EMC1: variants seen among roughly 807,000 people sequenced by gnomAD.
The protein encoded by EMC1 is ER membrane protein complex subunit 1, also known as KIAA0090.
In EMC1, 103 loss-of-function variants were observed where a neutral mutation model predicts 128.8. That is an observed-to-expected ratio of 0.80 (90% CI 0.68 to 0.94). EMC1 has a LOEUF of 0.94. EMC1 is among the 40% of genes least tolerant of loss of function. EMC1 has a pLI of 0.00. For missense variants in EMC1, 1,083 were observed against 1,250.6 expected (o/e 0.87, Z 2.02); for synonymous variants, 442 against 490.4 (o/e 0.90, Z 1.30).
chr1:19,232,887 C>G (rs773302375), intron 14 of EMC1, 49 bp downstream of exon 14: 3 of 1,606,754 alleles, frequency 1.9e-6, no homozygotes, highest in South Asian at 2.2e-5. Context: ...TTGTTCCTCA[C>G]CCTCAGAATT....
Position 19,219,022 on chromosome 1 carries a change from AGAAAG to A in EMC1, c.*276_*280del. The A allele has an allele frequency of 3.2e-6, 1 of 311,304 alleles. No homozygotes were observed. Among genetic ancestry groups the A allele is most frequent in the Middle Eastern group, 9.7e-4 (1 of 1,032 alleles). The allele number at this position is 311,304 out of a possible 1,614,324, so 19.3% of individuals were successfully genotyped here. On this transcript the variant is annotated 3_prime_UTR_variant, in exon 23 of 23. Coordinates refer to ENST00000477853, the MANE Select transcript of EMC1 (RefSeq NM_015047.3). ...AAACAGAACATTCATGGATGGGCAAAGAAAGGAAACAATGCAGACGCCTTTGGACT... is the reference window on the plus strand; with the variant it reads ...AAACAGAACATTCATGGATGGGCAAAGAAACAATGCAGACGCCTTTGGACT...
At chr1:19,240,273 G>A in intron 7 of EMC1, 24 bp downstream of exon 7, 1 of 1,613,980 alleles carries the variant, frequency 6.2e-7, no homozygotes, top group South Asian at 1.1e-5. Context: ...CCTCAGGCCA[G>A]AAGAAGCAGT....
intron 7 of EMC1, 70 bp from the exon 8 acceptor site, chr1:19,240,055 C>A: frequency 6.8e-7 from 1 of 1,478,376 alleles, no homozygotes; most frequent in Non-Finnish European, 9.2e-7. Context: ...AGGCTCACAA[C>A]CTCTGCCCTA....
intron 21 of EMC1, chr1:19,220,406 C>T (rs2093422563): frequency 5.8e-6 from 1 of 171,654 alleles, no homozygotes; most frequent in South Asian, 1.7e-4. Context: ...AGCTCCTTCA[C>T]CTCCTTCAGG....
intron 1 of EMC1, among the ~76,000 whole-genome samples, chr1:19,248,295 T>C (rs1230164362): frequency 2.6e-5 from 4 of 152,180 alleles, no homozygotes; most frequent in Non-Finnish European, 4.4e-5. Flanking sequence ...CCTCCCAGGC[T>C]TAGGTGATCC....
rs761385909 is a variant in EMC1, at chr1:19,239,887, C to G, written c.885G>C (p.Leu295Phe). The G allele has an allele frequency of 1.9e-6, 3 of 1,613,972 alleles. No individual in the cohort carries two copies. The highest frequency in any genetic ancestry group is 1.7e-5 in the Admixed American group (1 of 59,996). ...DASRAQFFLH[L>F]SPSHYALLQY... is the part of the protein sequence containing the mutation. ...GCAGCAGAGCATAGTGGCTTGGGGA[C>G]AAGTGCAGGAAGAACTGGGCCCGGG... Residue 295 changes from leucine to phenylalanine, a missense_variant, in exon 8 of 23, where the codon TTG becomes TTC. This residue lies in a region of EMC1 where 544 missense variants were observed against 572.4 expected (regional missense o/e 0.95). Coordinates refer to ENST00000477853, the MANE Select transcript of EMC1 (RefSeq NM_015047.3).
At chr1:19,220,893 A>C (rs1242331223) in intron 20 of EMC1, 45 bp from the exon 21 acceptor site, 1 of 1,399,024 alleles carries the variant, frequency 7.1e-7, no homozygotes, top group Non-Finnish European at 1.0e-6. Context: ...AGTGTCCAGC[A>C]AGGGCCAGTT....
In EMC1 at chr1:19,223,470, G is replaced by A. The variant is rs763467427; in HGVS notation, c.2302C>T (p.Arg768Cys). 24 of 1,614,110 alleles carry A rather than the reference G, an allele frequency of 1.5e-5. No individual in the cohort carries two copies. The highest frequency in any genetic ancestry group is 1.9e-5 in the Non-Finnish European group (23 of 1,180,020). ...GIFLIDGVTG[R>C]IIHSSVQKKA... ...TTCTGCACAGAGGAGTGAATGATAC[G>A]CCCAGTGACGCCATCAATGAGGAAG... is the stretch of plus-strand genomic sequence containing the variant. The change falls in exon 19 of 23, where the codon CGT becomes TGT. Residue 768 changes from arginine (R) to cysteine (C), a missense_variant. Coordinates refer to ENST00000477853, the MANE Select transcript of EMC1 (RefSeq NM_015047.3).
chr1:19,245,564 CT>C (rs1558114399), intron 1 of EMC1, among the ~76,000 whole-genome samples: 1 of 151,790 alleles, frequency 6.6e-6, no homozygotes, highest in Admixed American at 6.6e-5. Flanking sequence ...CTAACTCTTC[CT>C]TCTAAATGGA....
At chr1:19,234,095 T>C (rs2151951076) in intron 13 of EMC1, 3 of 746,406 alleles carry the variant, frequency 4.0e-6, no homozygotes, top group Non-Finnish European at 4.9e-6. Flanking sequence ...ACCTCATTGG[T>C]CCAAGTTAGG....
rs1449490370 is a variant in EMC1, at chr1:19,230,894, A to T, written c.2014T>A (p.Tyr672Asn). The T allele has an allele frequency of 1.9e-6, 3 of 1,614,194 alleles. No homozygotes were observed. In the East Asian group the frequency reaches 6.7e-5, roughly 36 times the overall value. Residue 672 changes from tyrosine to asparagine, a missense_variant, in exon 17 of 23, where the codon TAT (tyrosine) becomes AAT (asparagine). Around this residue, in one of 3 missense-constraint regions of EMC1, gnomAD observed 527 missense variants for 644.1 expected, o/e 0.82. Transcript: ENST00000477853. ...LHELAPSIFF[Y>N]LVDAEQGRLC... ...CGTCCCTGCTCTGCATCCACCAAAT[A>T]GAAGAAGATGGAAGGGGCAAGCTCA...
At position 19,235,238 on chromosome 1, in the gene EMC1, G is replaced by C; in HGVS notation, c.1324C>G (p.Leu442Val). 6.2e-7 allele frequency: 1 copy of C among 1,612,650 alleles called. No individual in the cohort carries two copies. The highest frequency in any genetic ancestry group is 8.5e-7 in the Non-Finnish European group (1 of 1,179,280). ...GCCAGGGACTCCTCACGGCTCCACA[G>C]CACCACCTTCCCTGCTACAGGAAAC... is the stretch of plus-strand genomic sequence containing the variant. ...FLQQLAGKVVLWSREESLAEV... is the reference protein window; with the variant it reads ...FLQQLAGKVVVWSREESLAEV... Residue 442 changes from leucine to valine, a missense_variant, in exon 13 of 23, where the codon CTG becomes GTG. By Grantham distance (32) the Leu-to-Val change is conservative. Transcript: ENST00000477853.
intron 13 of EMC1, 151 bp downstream of exon 13, chr1:19,234,979 T>C (rs2093552266): frequency 2.8e-6 from 2 of 718,648 alleles, no homozygotes; most frequent in Non-Finnish European, 4.3e-6. Context: ...TGGCCATGAA[T>C]GCACCGGAAC....
At chr1:19,245,623 C>CTTT (rs1458650826) in intron 1 of EMC1, among the ~76,000 whole-genome samples, 1 of 97,348 alleles carries the variant, frequency 1.0e-5, no homozygotes, top group African/African-American at 5.7e-5. Flanking sequence ...GGCACCTTAC[C>CTTT]TTTCTTTTTT....
chr1:19,225,663 A>T (rs2093467175), intron 18 of EMC1, among the ~76,000 whole-genome samples: 1 of 151,950 alleles, frequency 6.6e-6, no homozygotes, highest in Admixed American at 6.6e-5. Flanking sequence ...AAGAAAAGAA[A>T]GAAAAGAAAA....
Position 19,242,492 on chromosome 1 carries a change from T to G in EMC1, c.381-19A>C. On this transcript the variant is annotated intron_variant, in intron 4 of 22. Transcript: ENST00000477853. Reference sequence around the variant, plus strand: ...CTGGAAACTGAACACAAGTACAGGTTGAGAGCAGCCCACACCTGCAGAGCC... The same window carrying G: ...CTGGAAACTGAACACAAGTACAGGTGGAGAGCAGCCCACACCTGCAGAGCC... 1 of 1,613,896 alleles carries G rather than the reference T, an allele frequency of 6.2e-7. No homozygotes were observed. The highest frequency in any genetic ancestry group is 8.5e-7 in the Non-Finnish European group (1 of 1,179,942).
intron 20 of EMC1, chr1:19,221,602 C>G (rs2093431713): frequency 6.7e-6 from 1 of 149,908 alleles, no homozygotes; most frequent in African/African-American, 2.5e-5. Context: ...CACCACTGCA[C>G]TCCAGCCTGG....
At position 19,223,488 on chromosome 1, in the gene EMC1, T is replaced by C. The variant is rs35788281; in HGVS notation, c.2284A>G (p.Ile762Val). The stretch of plus-strand genomic sequence containing the variant: ...ATGATACGCCCAGTGACGCCATCAA[T>C]GAGGAAGATGCCAATAAAGGTGCGC... ...HERTFIGIFL[I>V]DGVTGRIIHS... Residue 762 changes from isoleucine (I) to valine (V), a missense_variant, in exon 19 of 23, where the codon ATT (isoleucine) becomes GTT (valine). Physicochemically the swap from Ile to Val is conservative, Grantham distance 29 (BLOSUM62 3). Around this residue, in one of 3 missense-constraint regions of EMC1, gnomAD observed 527 missense variants for 644.1 expected, o/e 0.82. Transcript: ENST00000477853. The C allele has an allele frequency of 2.5e-6, 4 of 1,613,764 alleles. No homozygotes were observed. The Admixed American group carries it at 6.7e-5, about 27-fold the overall frequency.
chr1:19,221,708 A>T (rs2093433122), intron 20 of EMC1: 2 of 152,104 alleles, frequency 1.3e-5, no homozygotes, highest in African/African-American at 4.8e-5. Context: ...ATCTTCGGTA[A>T]AATCAACTAA....
Sources: gnomAD v4.1 joint callset for allele counts (sites outside exome capture counted in the v4.1 genomes callset) on GRCh38, gnomAD v4.1.1 for gene constraint, gnomAD v4.1.1 regional missense constraint, MANE v1.5 for transcripts, NCBI Gene and HGNC (gene_info 2026-07-23, HGNC 2026-07-21) for gene names.